AVEN: variants seen among roughly 807,000 people sequenced by gnomAD.
AVEN encodes cell death regulator Aven.
In AVEN, 41 loss-of-function variants were observed where a neutral mutation model predicts 38.1. That is an observed-to-expected ratio of 1.08 (90% CI 0.84 to 1.40). The LOEUF (loss-of-function observed/expected upper bound fraction) is 1.40. Ranked by LOEUF, AVEN falls within the 40% of genes most tolerant of loss-of-function variation. AVEN has a pLI of 0.00. For synonymous variants in AVEN, 206 were observed against 171.8 expected (o/e 1.20, Z -1.56); for missense variants, 605 against 438.8 (o/e 1.38, Z -3.38).
intron 1 of AVEN, among the ~76,000 whole-genome samples, 176 bp from the exon 2 acceptor site, chr15:34,003,385 G>A (rs1897215633): frequency 1.3e-5 from 2 of 152,142 alleles, no homozygotes; most frequent in South Asian, 2.1e-4. Context: ...TTCTTTTAGG[G>A]TGAACTTTCC....
intron 2 of AVEN, among the ~76,000 whole-genome samples, chr15:33,915,039 G>A (rs372594619): frequency 2.7e-4 from 41 of 152,150 alleles, no homozygotes; most frequent in African/African-American, 9.2e-4. Context: ...AAAATGATGG[G>A]GAACATGTCA....
chr15:33,930,436 TAAAG>T (rs1893798685), intron 2 of AVEN, among the ~76,000 whole-genome samples: 1 of 151,994 alleles, frequency 6.6e-6, no homozygotes, highest in South Asian at 2.1e-4. Flanking sequence ...GTCCTAGACA[TAAAG>T]AAACATGATA....
chr15:33,982,973 T>C (rs889777663), intron 2 of AVEN, among the ~76,000 whole-genome samples: 1 of 150,492 alleles, frequency 6.6e-6, no homozygotes, highest in East Asian at 2.0e-4. Context: ...GTTGGGATAA[T>C]TTTTGAAAGA....
intron 5 of AVEN, among the ~76,000 whole-genome samples, chr15:34,058,481 A>C (rs556400790): frequency 1.2e-4 from 18 of 151,988 alleles, no homozygotes; most frequent in Non-Finnish European, 2.1e-4. Context: ...GGAGAGAGAG[A>C]GAGCCAATTT....
intron 11 of AVEN, chr15:33,860,456 AAC>A (rs1887762977): frequency 1.8e-6 from 1 of 545,886 alleles, no homozygotes; most frequent in African/African-American, 1.9e-5. Flanking sequence ...AACACAAAGA[AAC>A]ACGAGTATTA....
intron 5 of AVEN, among the ~76,000 whole-genome samples, chr15:34,045,647 T>G (rs1314221929): frequency 6.6e-6 from 1 of 152,092 alleles, no homozygotes; most frequent in African/African-American, 2.4e-5. Flanking sequence ...CCACTGTAGT[T>G]GCTATAGAAA....
At chr15:33,866,770 T>TA (rs1567382669) in intron 5 of AVEN, 42 bp from the exon 6 acceptor site, 1 of 1,422,418 alleles carries the variant, frequency 7.0e-7, no homozygotes, top group Non-Finnish European at 9.9e-7. Flanking sequence ...AGATGAGTCC[T>TA]AAAATTGAAG....
At chr15:34,050,835 A>G (rs960939870) in intron 5 of AVEN, among the ~76,000 whole-genome samples, 5 of 152,230 alleles carry the variant, frequency 3.3e-5, no homozygotes, top group Non-Finnish European at 5.9e-5. Context: ...ATACAGGAGC[A>G]CCCAGATTCA....
chr15:34,072,935 CA>C (rs1289221757), intron 1 of AVEN, among the ~76,000 whole-genome samples: 17 of 152,048 alleles, frequency 1.1e-4, no homozygotes, highest in Non-Finnish European at 2.5e-4. Context: ...ACGCGTGAGC[CA>C]CCGCACCCAG....
At chr15:34,031,635 ATT>A (rs200508300) in intron 1 of AVEN, among the ~76,000 whole-genome samples, 1 of 151,172 alleles carries the variant, frequency 6.6e-6, no homozygotes, top group Admixed American at 6.6e-5. Context: ...TTAATCTCCT[ATT>A]TTTTTTTGGA....
At chr15:33,979,246 G>T (rs960859458) in intron 2 of AVEN, among the ~76,000 whole-genome samples, 1 of 152,158 alleles carries the variant, frequency 6.6e-6, no homozygotes, top group African/African-American at 2.4e-5. Flanking sequence ...GGTTGGCCAG[G>T]CACGGTGTCC....
At chr15:33,988,161 G>A (rs1597317252) in intron 2 of AVEN, among the ~76,000 whole-genome samples, 2 of 152,198 alleles carry the variant, frequency 1.3e-5, no homozygotes, top group African/African-American at 4.8e-5. Flanking sequence ...TGAAGCTGCA[G>A]ACCAAGTGTA....
chr15:33,920,489 G>C (rs1010598254), intron 2 of AVEN, among the ~76,000 whole-genome samples: 1 of 152,032 alleles, frequency 6.6e-6, no homozygotes, highest in Admixed American at 6.6e-5. Flanking sequence ...TCAATATCAC[G>C]GTATTCCTTT....
At chr15:33,931,206 T>C (rs1893830266) in intron 2 of AVEN, among the ~76,000 whole-genome samples, 1 of 152,124 alleles carries the variant, frequency 6.6e-6, no homozygotes, top group African/African-American at 2.4e-5. Flanking sequence ...CAGCTTTCAA[T>C]AACAAATTTA....
chr15:34,007,005 T>G, intron 1 of AVEN: 1 of 932,776 alleles, frequency 1.1e-6, no homozygotes, highest in South Asian at 4.9e-5. Context: ...ATAAATATTG[T>G]TACAAAATTA....
chr15:33,945,072 G>A (rs1453850209), intron 2 of AVEN, among the ~76,000 whole-genome samples: 1 of 152,188 alleles, frequency 6.6e-6, no homozygotes, highest in Non-Finnish European at 1.5e-5. Context: ...TCAGTTCTGA[G>A]CAATGTCTGT....
intron 2 of AVEN, among the ~76,000 whole-genome samples, chr15:33,988,276 C>T (rs542952879): frequency 9.6e-4 from 146 of 152,240 alleles, no homozygotes; most frequent in Middle Eastern, 3.4e-3. Flanking sequence ...CAATATATTT[C>T]GATTTTAATG....
intron 5 of AVEN, among the ~76,000 whole-genome samples, chr15:34,049,372 G>C (rs1048616978): frequency 6.6e-6 from 1 of 152,128 alleles, no homozygotes; most frequent in Non-Finnish European, 1.5e-5. Flanking sequence ...CAGACCTAAT[G>C]GTGCTGAAAA....
chr15:34,008,954 G>A (rs2632071), intron 1 of AVEN, among the ~76,000 whole-genome samples: 41,874 of 102,842 alleles, frequency 0.41, 7,271 homozygotes, highest in African/African-American at 0.51. Context: ...GTGCGCGCGC[G>A]CACACACACA....
Sources: allele counts gnomAD v4.1 joint callset (sites outside exome capture counted in the v4.1 genomes callset), GRCh38; gene constraint gnomAD v4.1.1; transcripts MANE v1.5; gene names NCBI Gene and HGNC (gene_info 2026-07-23, HGNC 2026-07-21).